SLC22A3: variants seen among roughly 807,000 people sequenced by gnomAD.
SLC22A3 encodes the protein EMT organic cation transporter 3.
Under a neutral mutation model 59.1 loss-of-function variants are expected in SLC22A3, and 51 were observed. The ratio of observed to expected loss-of-function variants is 0.86; its 90% CI spans 0.69 to 1.09. The LOEUF is 1.09. SLC22A3 is among the 50% of genes least tolerant of loss of function. SLC22A3 has a pLI of 0.00. For synonymous variants in SLC22A3, 325 were observed against 292.0 expected (o/e 1.11, Z -1.15); for missense variants, 711 against 726.3 (o/e 0.98, Z 0.24).
intron 1 of SLC22A3, among the ~76,000 whole-genome samples, chr6:160,392,669 T>C (rs539127060): frequency 6.6e-6 from 1 of 152,192 alleles, no homozygotes; most frequent in Non-Finnish European, 1.5e-5. Flanking sequence ...CATGTTAAAA[T>C]TTTTTCATGG....
intron 5 of SLC22A3, among the ~76,000 whole-genome samples, chr6:160,417,394 C>A (rs184663080): frequency 6.6e-6 from 1 of 152,238 alleles, no homozygotes; most frequent in Admixed American, 6.5e-5. Context: ...CAAGAAAAAG[C>A]TGTTTCCCCA....
chr6:160,416,811 C>T (rs768401418), intron 5 of SLC22A3, among the ~76,000 whole-genome samples: 11 of 152,286 alleles, frequency 7.2e-5, no homozygotes, highest in Non-Finnish European at 1.3e-4. Flanking sequence ...GTACTGTGTG[C>T]AAGTGTGAAT....
intron 1 of SLC22A3, among the ~76,000 whole-genome samples, chr6:160,353,491 G>C (rs865923508): frequency 1.3e-5 from 2 of 152,174 alleles, no homozygotes; most frequent in Non-Finnish European, 2.9e-5. Context: ...TGTGATAAAG[G>C]GTACCACCCT....
At chr6:160,439,041 G>A (rs1053037935) in intron 7 of SLC22A3, among the ~76,000 whole-genome samples, 1 of 152,026 alleles carries the variant, frequency 6.6e-6, no homozygotes, top group South Asian at 2.1e-4. Flanking sequence ...GGGAGACACT[G>A]TTCAACCCAC....
At chr6:160,448,454 TAGATAGATAC>T in intron 10 of SLC22A3, among the ~76,000 whole-genome samples, 2 of 151,408 alleles carry the variant, frequency 1.3e-5, no homozygotes, top group Middle Eastern at 6.8e-3. Flanking sequence ...TGATAGATGA[TAGATAGATAC>T]AGATAGATAA....
At chr6:160,438,698 C>T (rs1166631497) in intron 7 of SLC22A3, among the ~76,000 whole-genome samples, 1 of 152,004 alleles carries the variant, frequency 6.6e-6, no homozygotes, top group East Asian at 1.9e-4. Context: ...CTCTTGTTTT[C>T]CTTGAGTGCA....
At chr6:160,377,157 C>G (rs1247243235) in intron 1 of SLC22A3, among the ~76,000 whole-genome samples, 1 of 152,126 alleles carries the variant, frequency 6.6e-6, no homozygotes, top group Non-Finnish European at 1.5e-5. Flanking sequence ...TGGTCTGCAG[C>G]CTTTGTCAAA....
At chr6:160,395,836 T>C (rs927738207) in intron 1 of SLC22A3, among the ~76,000 whole-genome samples, 2 of 152,230 alleles carry the variant, frequency 1.3e-5, no homozygotes, top group African/African-American at 4.8e-5. Flanking sequence ...GGCAAGAAGT[T>C]GGACTTTATA....
intron 3 of SLC22A3, among the ~76,000 whole-genome samples, chr6:160,407,874 C>A (rs1787084423): frequency 6.6e-6 from 1 of 152,178 alleles, no homozygotes; most frequent in Admixed American, 6.5e-5. Flanking sequence ...TGTGAATTCT[C>A]ATCTTAGATT....
intron 7 of SLC22A3, among the ~76,000 whole-genome samples, chr6:160,439,233 A>G (rs983556461): frequency 2.6e-5 from 4 of 152,162 alleles, no homozygotes. Flanking sequence ...AAAAATCGCA[A>G]ACATTGGAGA....
At chr6:160,444,971 T>C (rs1313911230) in intron 9 of SLC22A3, among the ~76,000 whole-genome samples, 5 of 152,136 alleles carry the variant, frequency 3.3e-5, no homozygotes, top group African/African-American at 4.8e-5. Flanking sequence ...GTGGTCAGCA[T>C]GAAAAAGCAG....
intron 1 of SLC22A3, among the ~76,000 whole-genome samples, chr6:160,350,333 C>T (rs1323372755): frequency 6.6e-6 from 1 of 152,188 alleles, no homozygotes; most frequent in African/African-American, 2.4e-5. Context: ...AGGATAAACC[C>T]CCCTGGCAAG....
At chr6:160,401,509 T>C (rs1009628550) in intron 2 of SLC22A3, among the ~76,000 whole-genome samples, 6 of 149,434 alleles carry the variant, frequency 4.0e-5, no homozygotes, top group African/African-American at 1.5e-4. Context: ...ATTGAGGGAA[T>C]TTGATGCCTT....
chr6:160,408,417 A>C (rs1239802710), intron 3 of SLC22A3, among the ~76,000 whole-genome samples: 1 of 152,224 alleles, frequency 6.6e-6, no homozygotes, highest in Non-Finnish European at 1.5e-5. Context: ...GATAATTACA[A>C]TTACCTTTTA....
At chr6:160,373,509 C>T (rs1785475998) in intron 1 of SLC22A3, among the ~76,000 whole-genome samples, 1 of 152,206 alleles carries the variant, frequency 6.6e-6, no homozygotes, top group South Asian at 2.1e-4. Flanking sequence ...AGGAGGCAGT[C>T]TGTCCCTTAG....
chr6:160,396,327 AT>A (rs1420988956), intron 1 of SLC22A3, among the ~76,000 whole-genome samples: 1 of 152,236 alleles, frequency 6.6e-6, no homozygotes, highest in Non-Finnish European at 1.5e-5. Flanking sequence ...TGATGACTTA[AT>A]TAAACAACTT....
chr6:160,414,129 A>G (rs1787371915), intron 5 of SLC22A3, among the ~76,000 whole-genome samples: 1 of 152,212 alleles, frequency 6.6e-6, no homozygotes, highest in Non-Finnish European at 1.5e-5. Flanking sequence ...TATTTCTGGC[A>G]AGACTACTTC....
chr6:160,352,520 A>C (rs1784695666), intron 1 of SLC22A3, among the ~76,000 whole-genome samples: 1 of 152,196 alleles, frequency 6.6e-6, no homozygotes, highest in Non-Finnish European at 1.5e-5. Context: ...GGATGAAAAA[A>C]AAAGAGCTTT....
At chr6:160,450,906 A>C (rs919588524) in intron 10 of SLC22A3, 90 bp from the exon 11 acceptor site, 14 of 1,244,012 alleles carry the variant, frequency 1.1e-5, no homozygotes, top group East Asian at 2.6e-5. Context: ...TATTTGATCA[A>C]AACCAGCTAT....
Sources: gnomAD v4.1 joint callset for allele counts (sites outside exome capture counted in the v4.1 genomes callset) on GRCh38, gnomAD v4.1.1 for gene constraint, MANE v1.5 for transcripts, NCBI Gene and HGNC (gene_info 2026-07-23, HGNC 2026-07-21) for gene names.